MET: variants seen among roughly 807,000 people sequenced by gnomAD.
The protein encoded by MET is MET proto-oncogene, receptor tyrosine kinase.
MET carries 48 observed loss-of-function variants against 133.1 expected under a neutral mutation model. The ratio of observed to expected loss-of-function variants is 0.36; its 90% CI spans 0.29 to 0.46. MET has a LOEUF of 0.46. Among genes scored for constraint, MET ranks in the 20% least tolerant of loss-of-function variants. MET has a pLI of 1.00. For missense variants in MET, 1,442 were observed against 1,695.9 expected (o/e 0.85, Z 2.63); for synonymous variants, 628 against 616.5 (o/e 1.02, Z -0.28).
Position 116,782,033 on chromosome 7 carries a change from A to G in MET, c.3568A>G (p.Lys1190Glu). ...DLIGFGLQVA[K>E]GMKYLASKKF... The stretch of plus-strand genomic sequence containing the variant: ...TATTGGCTTTGGTCTTCAAGTAGCC[A>G]AAGGCATGAAATATCTTGCAAGCAA... The change falls in exon 18 of 21, where the codon AAA (lysine) becomes GAA (glutamate). Residue 1190 changes from lysine (K) to glutamate (E), a missense_variant. Coordinates refer to ENST00000397752, the MANE Select transcript of MET (RefSeq NM_000245.4). The G allele has an allele frequency of 1.2e-6, 2 of 1,613,976 alleles. No homozygotes were observed. The highest frequency in any genetic ancestry group is 1.7e-6 in the Non-Finnish European group (2 of 1,179,920).
At position 116,731,678 on chromosome 7, in the gene MET, G is replaced by A; in HGVS notation, c.1211G>A (p.Arg404Lys). The A allele has an allele frequency of 1.2e-6, 2 of 1,614,086 alleles. No homozygotes were observed. The highest frequency in any genetic ancestry group is 1.7e-6 in the Non-Finnish European group (2 of 1,179,956). Residue 404 changes from arginine to lysine, a missense_variant, in exon 3 of 21, where the codon AGA (arginine) becomes AAA (lysine). By Grantham distance (26) the Arg-to-Lys change is conservative. Transcript: ENST00000397752. ...HEHCFNRTLL[R>K]NSSGCEARRD... ...CATATTTTATTCCAGACACTTCTGA[G>A]AAATTCATCAGGCTGTGAAGCGCGC... is the stretch of plus-strand genomic sequence containing the variant.
intron 19 of MET, among the ~76,000 whole-genome samples, chr7:116,787,850 A>G (rs530978603): frequency 6.6e-6 from 1 of 152,356 alleles, no homozygotes; most frequent in African/African-American, 2.4e-5. Flanking sequence ...AATGAAACAT[A>G]TGCCCACATG....
At chr7:116,716,803 C>T (rs1022536623) in intron 2 of MET, among the ~76,000 whole-genome samples, 11 of 152,228 alleles carry the variant, frequency 7.2e-5, no homozygotes, top group African/African-American at 1.4e-4. Flanking sequence ...GCCACAGTAG[C>T]TTCCATCACC....
intron 11 of MET, among the ~76,000 whole-genome samples, chr7:116,765,285 GC>G (rs1278837822): frequency 1.5e-5 from 1 of 67,090 alleles, no homozygotes; most frequent in Non-Finnish European, 2.6e-5. Flanking sequence ...GGGAGACAGA[GC>G]AAAAAAAAAA....
At position 116,713,907 on chromosome 7, in the gene MET, CAAG is replaced by C. The variant is rs375535358; in HGVS notation, c.1200+13629_1200+13631del. 3.7e-4 allele frequency among the ~76,000 whole-genome samples: 56 copies of C among 152,280 alleles called. No individual in the cohort carries two copies. The East Asian group carries it at 5.6e-3, about 15-fold the overall frequency. ...AACAGACCATGGCTCTTACCACCTC[CAAG>C]AAGAACTACTTCTGTTTTATTTGTT... is the stretch of plus-strand genomic sequence containing the variant. On this transcript the variant is annotated intron_variant, in intron 2 of 20. Coordinates refer to ENST00000397752, the MANE Select transcript of MET (RefSeq NM_000245.4).
chr7:116,768,716 G>T (rs1794723431), intron 11 of MET, among the ~76,000 whole-genome samples: 1 of 152,146 alleles, frequency 6.6e-6, no homozygotes, highest in Non-Finnish European at 1.5e-5. Context: ...GCTGCTCTTT[G>T]TTAGTAAGAA....
Position 116,713,434 on chromosome 7 carries a change from T to C in MET, c.1200+13150T>C, listed in dbSNP as rs549145824. Among the ~76,000 whole-genome samples the C allele has an allele frequency of 1.9e-4, 29 of 148,756 alleles. 1 individual carries two copies. In the East Asian group the frequency reaches 5.5e-3, roughly 28 times the overall value. On this transcript the variant is annotated intron_variant, in intron 2 of 20. Coordinates refer to ENST00000397752, the MANE Select transcript of MET (RefSeq NM_000245.4). The stretch of plus-strand genomic sequence containing the variant: ...AAGGAAAAGAAGTTAAGGGCAAAGG[T>C]CTTTATCAACACCATCCTTCCTGTG...
intron 2 of MET, among the ~76,000 whole-genome samples, chr7:116,707,977 C>T (rs1791861283): frequency 6.6e-6 from 1 of 152,054 alleles, no homozygotes; most frequent in Non-Finnish European, 1.5e-5. Flanking sequence ...CAGCAGGAGA[C>T]AGAGGAAAGG....
chr7:116,783,158 G>A (rs1164040863), intron 18 of MET, 146 bp from the exon 19 acceptor site: 2 of 863,758 alleles, frequency 2.3e-6, no homozygotes, highest in African/African-American at 1.7e-5. Flanking sequence ...GTAATTTAGT[G>A]TTAGTCAATA....
chr7:116,691,975 G>A (rs74867453), intron 1 of MET, among the ~76,000 whole-genome samples: 5,187 of 152,154 alleles, frequency 0.034, 130 homozygotes, highest in Middle Eastern at 0.065. Context: ...AAGAGTTGCC[G>A]GTATAAGAGA....
At position 116,690,100 on chromosome 7, in the gene MET, T is replaced by A. The variant is rs1328670612; in HGVS notation, c.-14-8971T>A. Among the ~76,000 whole-genome samples the A allele has an allele frequency of 4.6e-5, 7 of 152,142 alleles. No homozygotes were observed. The East Asian group carries it at 1.2e-3, about 25-fold the overall frequency. On this transcript the variant is annotated intron_variant, in intron 1 of 20. Coordinates refer to ENST00000397752, the MANE Select transcript of MET (RefSeq NM_000245.4). ...TGAAACAGTCACCAGGTATTTGGAG[T>A]GGTCTCACCCAAGGGACTGTGCCAA...
At chr7:116,770,697 T>C (rs144589233) in intron 12 of MET, among the ~76,000 whole-genome samples, 223 of 152,290 alleles carry the variant, frequency 1.5e-3, no homozygotes, top group African/African-American at 2.1e-3. Flanking sequence ...ATGTGTGGCC[T>C]ATTTTACTTA....
At chr7:116,746,128 C>T (rs1241068747) in intron 5 of MET, among the ~76,000 whole-genome samples, 1 of 152,198 alleles carries the variant, frequency 6.6e-6, no homozygotes, top group African/African-American at 2.4e-5. Context: ...AGGATATGAA[C>T]AGACACTTCT....
intron 5 of MET, among the ~76,000 whole-genome samples, chr7:116,751,689 T>G (rs1793927085): frequency 6.6e-6 from 1 of 152,140 alleles, no homozygotes; most frequent in African/African-American, 2.4e-5. Flanking sequence ...TAAAGAGCAA[T>G]GAGAAATGCT....
chr7:116,688,900 T>G (rs1248128378), intron 1 of MET, among the ~76,000 whole-genome samples: 1 of 152,208 alleles, frequency 6.6e-6, no homozygotes, highest in Admixed American at 6.5e-5. Context: ...AAAAGCACTA[T>G]CTGTCAAAGA....
At chr7:116,725,925 A>C (rs185831140) in intron 2 of MET, among the ~76,000 whole-genome samples, 118 of 149,654 alleles carry the variant, frequency 7.9e-4, no homozygotes, top group African/African-American at 2.7e-3. Flanking sequence ...TAATCCCAGC[A>C]CTTTGGGAGG....
intron 5 of MET, among the ~76,000 whole-genome samples, chr7:116,754,192 T>C (rs764716245): frequency 2.6e-5 from 4 of 152,334 alleles, no homozygotes; most frequent in East Asian, 1.9e-4. Context: ...TTGGCAGATA[T>C]GTGTTCCAAA....
chr7:116,759,334 C>T lies in MET; in HGVS notation c.2265-57C>T, dbSNP rs1562923455. On this transcript the variant is annotated intron_variant, in intron 9 of 20. Transcript: ENST00000397752. ...GTGATTAAATTGAATCCCTCTCTTA[C>T]AGTACTTGGTGGAAAGAACCTCTCA... is the stretch of plus-strand genomic sequence containing the variant. 2 of 1,581,504 alleles carry T rather than the reference C, an allele frequency of 1.3e-6. No homozygotes were observed. The highest frequency in any genetic ancestry group is 8.6e-7 in the Non-Finnish European group (1 of 1,161,396).
chr7:116,762,958 T>A, intron 10 of MET, 92 bp from the exon 11 acceptor site: 1 of 1,077,178 alleles, frequency 9.3e-7, no homozygotes, highest in East Asian at 2.5e-5. Flanking sequence ...AAATTATATA[T>A]TTTCAATTGA....
Sources: allele counts gnomAD v4.1 joint callset (sites outside exome capture counted in the v4.1 genomes callset), GRCh38; gene constraint gnomAD v4.1.1; transcripts MANE v1.5; gene names NCBI Gene and HGNC (gene_info 2026-07-23, HGNC 2026-07-21).